Variants in LMBR1 observed in about 807,000 individuals in gnomAD.
The protein encoded by LMBR1 is limb development membrane protein 1.
Under a neutral mutation model 73.9 loss-of-function variants are expected in LMBR1, and 52 were observed. The ratio of observed to expected loss-of-function variants is 0.70; its 90% CI spans 0.56 to 0.89. LMBR1 has a LOEUF of 0.89. LMBR1 is among the 40% of genes least tolerant of loss of function. The probability of loss-of-function intolerance (pLI) is 0.00; values close to 1 mark genes in which losing one functional copy is unlikely to be tolerated. For synonymous variants in LMBR1, 215 were observed against 209.4 expected (o/e 1.03, Z -0.23); for missense variants, 539 against 579.8 (o/e 0.93, Z 0.72).
At chr7:156,842,461 G>A (rs1200631831) in intron 1 of LMBR1, among the ~76,000 whole-genome samples, 1 of 152,170 alleles carries the variant, frequency 6.6e-6, no homozygotes, top group Non-Finnish European at 1.5e-5. Context: ...TCTGTTGAGT[G>A]ACCTTGCAGC....
At chr7:156,751,111 A>G (rs1446336869) in intron 9 of LMBR1, among the ~76,000 whole-genome samples, 1 of 152,350 alleles carries the variant, frequency 6.6e-6, no homozygotes, top group East Asian at 1.9e-4. Flanking sequence ...CCTTGTCTCA[A>G]TAAATATAAT....
At chr7:156,737,111 G>T (rs1818019845) in intron 9 of LMBR1, among the ~76,000 whole-genome samples, 1 of 152,122 alleles carries the variant, frequency 6.6e-6, no homozygotes, top group Admixed American at 6.5e-5. Flanking sequence ...CTTCGATGGT[G>T]TGTATCCTCC....
chr7:156,883,944 G>A (rs1483083086), intron 1 of LMBR1, among the ~76,000 whole-genome samples: 1 of 152,082 alleles, frequency 6.6e-6, no homozygotes, highest in African/African-American at 2.4e-5. Context: ...CAGGCTCCAG[G>A]GATTACCACA....
chr7:156,741,908 A>T (rs1818976479), intron 9 of LMBR1, among the ~76,000 whole-genome samples: 1 of 152,166 alleles, frequency 6.6e-6, no homozygotes, highest in African/African-American at 2.4e-5. Flanking sequence ...TCACAACAGA[A>T]GTCTTAAAAC....
chr7:156,816,866 T>C (rs1368568796), intron 4 of LMBR1, among the ~76,000 whole-genome samples: 1 of 152,168 alleles, frequency 6.6e-6, no homozygotes, highest in Non-Finnish European at 1.5e-5. Context: ...TAAATCATTC[T>C]TAAAAATTAC....
Position 156,688,024 on chromosome 7 carries a change from G to C in LMBR1, c.1387+6C>G. 1.3e-6 allele frequency: 2 copies of C among 1,576,408 alleles called. No homozygotes were observed. Among genetic ancestry groups the C allele is most frequent in the Non-Finnish European group, 8.6e-7 (1 of 1,166,580 alleles). On this transcript the variant is annotated splice_donor_region_variant and intron_variant, in intron 16 of 16. Coordinates refer to ENST00000353442, the MANE Select transcript of LMBR1 (RefSeq NM_022458.4). Reference sequence around the variant, plus strand: ...AGGAAAAAATACCCATAAACCTCAGGATTACCTAGGGCCTTGAAAAGTTCT... The same window carrying C: ...AGGAAAAAATACCCATAAACCTCAGCATTACCTAGGGCCTTGAAAAGTTCT...
At chr7:156,837,443 T>C (rs964589242) in intron 1 of LMBR1, among the ~76,000 whole-genome samples, 1 of 151,222 alleles carries the variant, frequency 6.6e-6, no homozygotes, top group Non-Finnish European at 1.5e-5. Flanking sequence ...AGACTTTTCT[T>C]TCCGTAACTT....
intron 9 of LMBR1, among the ~76,000 whole-genome samples, chr7:156,749,792 C>A (rs972211096): frequency 6.6e-6 from 1 of 151,986 alleles, no homozygotes; most frequent in Non-Finnish European, 1.5e-5. Context: ...CAGGTTCAAG[C>A]GATTCTCCTG....
At chr7:156,811,704 C>G (rs1022839286) in intron 4 of LMBR1, among the ~76,000 whole-genome samples, 3 of 152,210 alleles carry the variant, frequency 2.0e-5, no homozygotes, top group Non-Finnish European at 4.4e-5. Flanking sequence ...GTCCCCATGC[C>G]TGAATCCCCA....
At chr7:156,847,728 T>TATTAGA (rs1795692981) in intron 1 of LMBR1, among the ~76,000 whole-genome samples, 1 of 152,150 alleles carries the variant, frequency 6.6e-6, no homozygotes, top group Non-Finnish European at 1.5e-5. Context: ...ATGACACACC[T>TATTAGA]ATTAGAATGA....
chr7:156,805,583 T>C (rs1412612158), intron 4 of LMBR1, among the ~76,000 whole-genome samples: 4 of 152,282 alleles, frequency 2.6e-5, no homozygotes, highest in African/African-American at 9.6e-5. Context: ...TCCTCTAACT[T>C]TGTTATCTTT....
intron 3 of LMBR1, among the ~76,000 whole-genome samples, chr7:156,830,671 A>C (rs1211354706): frequency 1.3e-5 from 2 of 152,246 alleles, no homozygotes; most frequent in African/African-American, 4.8e-5. Flanking sequence ...CATCTCAGCT[A>C]ATCAATAAAC....
At chr7:156,874,995 C>G (rs1163123281) in intron 1 of LMBR1, among the ~76,000 whole-genome samples, 1 of 152,058 alleles carries the variant, frequency 6.6e-6, no homozygotes, top group Non-Finnish European at 1.5e-5. Flanking sequence ...AGTTATTAAG[C>G]TAATCAAGGA....
At chr7:156,849,148 T>A (rs1554551747) in intron 1 of LMBR1, among the ~76,000 whole-genome samples, 1 of 152,096 alleles carries the variant, frequency 6.6e-6, no homozygotes. Context: ...AAATGTGGTA[T>A]GTACATACCA....
At chr7:156,684,308 AT>A in intron 16 of LMBR1, 145 bp from the exon 17 acceptor site, 1 of 669,892 alleles carries the variant, frequency 1.5e-6, no homozygotes, top group Middle Eastern at 2.5e-4. Flanking sequence ...TGAGGAATGA[AT>A]GATTTCTTCT....
At position 156,678,921 on chromosome 7, in the gene LMBR1, G is replaced by A. The variant is rs1302631815; in HGVS notation, c.*5157C>T. 1 of 152,188 alleles carries A rather than the reference G, an allele frequency of 6.6e-6. No homozygotes were observed. The highest frequency in any genetic ancestry group is 2.4e-5 in the African/African-American group (1 of 41,440). 9.4% of individuals were successfully genotyped at this position (152,188 alleles called of 1,614,324 possible). ...AAAGAGAATTCTTAGCGAATTGTGG[G>A]ACTGGAGGCATTTGATAAGAATAAA... is the stretch of plus-strand genomic sequence containing the variant. On this transcript the variant is annotated 3_prime_UTR_variant, in exon 17 of 17. Transcript: ENST00000353442.
At chr7:156,676,365 T>C (rs1354205958), downstream of LMBR1, 2 of 1,613,788 alleles carry the variant, frequency 1.2e-6, no homozygotes, top group South Asian at 2.2e-5. Flanking sequence ...TTAAGTAACT[T>C]TCTGCTGTGA....
At chr7:156,691,743 T>TAAA (rs35083004) in intron 15 of LMBR1, among the ~76,000 whole-genome samples, 26 of 150,306 alleles carry the variant, frequency 1.7e-4, no homozygotes, top group African/African-American at 6.1e-4. Context: ...CTTGTTATTT[T>TAAA]AAAAAAAAAA....
intron 15 of LMBR1, among the ~76,000 whole-genome samples, chr7:156,697,409 A>G (rs1808539238): frequency 6.6e-6 from 1 of 152,152 alleles, no homozygotes; most frequent in Non-Finnish European, 1.5e-5. Flanking sequence ...CTGACCACAA[A>G]TTTACCAGGG....
Sources: gnomAD v4.1 joint callset for allele counts (sites outside exome capture counted in the v4.1 genomes callset) on GRCh38, gnomAD v4.1.1 for gene constraint, MANE v1.5 for transcripts, NCBI Gene and HGNC (gene_info 2026-07-23, HGNC 2026-07-21) for gene names.